The following HCN4 variants were observed in gnomAD, a reference collection of about 807,000 sequenced individuals.
HCN4 encodes the protein hyperpolarization activated cyclic nucleotide gated potassium channel 4, also known as potassium/sodium hyperpolarization-activated cyclic nucleotide-gated channel 4.
A neutral mutation model predicts 76.9 loss-of-function variants in HCN4; 29 were observed. The ratio of observed to expected loss-of-function variants is 0.38; its 90% CI spans 0.28 to 0.51. The LOEUF (loss-of-function observed/expected upper bound fraction) is 0.51, where lower values mean the gene tolerates loss of function less well. HCN4 is among the 20% of genes least tolerant of loss of function. The pLI, the probability that HCN4 is intolerant of heterozygous loss-of-function variation, is 0.90. For missense variants in HCN4, 1,416 were observed against 1,715.2 expected (o/e 0.83, Z 3.08); for synonymous variants, 772 against 762.5 (o/e 1.01, Z -0.21).
At chr15:73,345,299 C>A (rs551844263) in intron 1 of HCN4, among the ~76,000 whole-genome samples, 4 of 152,262 alleles carry the variant, frequency 2.6e-5, no homozygotes, top group African/African-American at 9.6e-5. Flanking sequence ...TGGCAAAGGG[C>A]AGTTTCCAGA....
chr15:73,345,354 C>A (rs2151221654), intron 1 of HCN4, among the ~76,000 whole-genome samples: 1 of 152,268 alleles, frequency 6.6e-6, no homozygotes, highest in African/African-American at 2.4e-5. Context: ...CTCTTCAGGG[C>A]CTCAAGACAG....
chr15:73,367,840 G>T lies in HCN4; in HGVS notation c.431C>A (p.Thr144Lys). Residue 144 changes from threonine to lysine, a missense_variant, in exon 1 of 8, where the codon ACG becomes AAG. Transcript: ENST00000261917. This position sits in a 1 kb window ranked among gnomAD's most constrained non-coding sequence, Gnocchi z 7.5. ...EGDASPGEDR[T>K]PPGLAAEPER... is the part of the protein sequence containing the mutation. ...GGGCTCGGCCGCCAGGCCTGGGGGC[G>T]TCCTGTCCTCGCCGGGGGACGCGTC... The T allele has an allele frequency of 7.9e-7, 1 of 1,270,248 alleles. No homozygotes were observed. The allele number at this position is 1,270,248 out of a possible 1,614,324, so 78.7% of individuals were successfully genotyped here.
chr15:73,341,572 C>T (rs2151220632), intron 2 of HCN4, among the ~76,000 whole-genome samples: 1 of 152,300 alleles, frequency 6.6e-6, no homozygotes, highest in East Asian at 1.9e-4. Flanking sequence ...GGACCCAAAG[C>T]TACATGCTAG....
chr15:73,346,280 T>C (rs943781726), intron 1 of HCN4, among the ~76,000 whole-genome samples: 2 of 152,174 alleles, frequency 1.3e-5, no homozygotes, highest in Admixed American at 1.3e-4. Flanking sequence ...CACTTTACCA[T>C]GCCACACCTC....
chr15:73,342,020 G>A (rs1442540437), intron 2 of HCN4, among the ~76,000 whole-genome samples: 5 of 152,154 alleles, frequency 3.3e-5, no homozygotes, highest in Non-Finnish European at 7.3e-5. Flanking sequence ...GCGGGAAATG[G>A]CCCTCCATGG....
At chr15:73,338,227 T>C (rs1311405429) in intron 2 of HCN4, among the ~76,000 whole-genome samples, 1 of 152,216 alleles carries the variant, frequency 6.6e-6, no homozygotes, top group Admixed American at 6.5e-5. Flanking sequence ...GGAGAGTCAG[T>C]TGCACCAGGC....
chr15:73,322,990 G>T lies in HCN4; in HGVS notation c.3103C>A (p.Pro1035Thr). The T allele has an allele frequency of 6.2e-6, 9 of 1,452,832 alleles. No individual in the cohort carries two copies. The highest frequency in any genetic ancestry group is 8.2e-6 in the Non-Finnish European group (9 of 1,103,348). The allele number at this position is 1,452,832 out of a possible 1,614,324, so 90.0% of individuals were successfully genotyped here. Residue 1035 changes from proline to threonine, a missense_variant, in exon 8 of 8, where the codon CCA (proline) becomes ACA (threonine). Physicochemically the swap from Pro to Thr is conservative, Grantham distance 38. This residue lies in a region of HCN4 where 633 missense variants were observed against 579.8 expected (regional missense o/e 1.09). Transcript: ENST00000261917. ...LSPPGHSPGP[P>T]RTFPSAPPRA... The stretch of plus-strand genomic sequence containing the variant: ...GGCGGGGCACTCGGGAAGGTTCTTG[G>T]GGGGCCTGGGCTGTGGCCAGGGGGG...
chr15:73,366,491 A>G (rs1461280046), intron 1 of HCN4, among the ~76,000 whole-genome samples: 2 of 152,208 alleles, frequency 1.3e-5, no homozygotes, highest in Non-Finnish European at 2.9e-5. Context: ...ATGCATCACG[A>G]AAGCCCAGAG....
chr15:73,368,248 A>G lies in HCN4; in HGVS notation c.23T>C (p.Met8Thr), dbSNP rs749801134. Residue 8 changes from methionine (M) to threonine (T), a missense_variant, in exon 1 of 8, where the codon ATG (methionine) becomes ACG (threonine). By Grantham distance (81) the Met-to-Thr change is moderately conservative. This residue lies in a region of HCN4 where 355 missense variants were observed against 347.8 expected (regional missense o/e 1.02). Transcript: ENST00000261917. The surrounding 1 kb of genome is among the most constrained non-coding windows in gnomAD (Gnocchi z 6.9). MDKLPPS[M>T]RKRLYSLPQQ... Reference sequence around the variant, plus strand: ...CGGGAGGCTGTAGAGCCGCTTGCGCATGGACGGCGGCAGCTTGTCCATGGC... The same window carrying G: ...CGGGAGGCTGTAGAGCCGCTTGCGCGTGGACGGCGGCAGCTTGTCCATGGC... 9 of 1,502,098 alleles carry G rather than the reference A, an allele frequency of 6.0e-6. No individual in the cohort carries two copies. Among genetic ancestry groups the G allele is most frequent in the South Asian group, 1.2e-5 (1 of 80,352 alleles). 93.0% of individuals were successfully genotyped at this position (1,502,098 alleles called of 1,614,324 possible).
At position 73,340,483 on chromosome 15, in the gene HCN4, C is replaced by T. The variant is rs569937758; in HGVS notation, c.1209+2902G>A. Among the ~76,000 whole-genome samples, 336 of 152,272 alleles carry T rather than the reference C, an allele frequency of 2.2e-3. 2 individuals carry two copies. The highest frequency in any genetic ancestry group is 5.3e-3 in the Admixed American group (81 of 15,306). ...CAACCTGGTCCTACATTTCCACCTG[C>T]GACGGAAACCAGGAGACAAGTGTGT... On this transcript the variant is annotated intron_variant, in intron 2 of 7. Transcript: ENST00000261917.
In HCN4 at chr15:73,323,310, G is replaced by A. The variant is rs1016286710; in HGVS notation, c.2783C>T (p.Pro928Leu). The A allele has an allele frequency of 8.4e-6, 13 of 1,549,834 alleles. No homozygotes were observed. The highest frequency in any genetic ancestry group is 8.1e-5 in the African/African-American group (6 of 73,666). ...LSSSDSPLLT[P>L]LQPGARSPQA... Reference sequence around the variant, plus strand: ...CGGGGAGCGGGCGCCTGGCTGCAGCGGGGTGAGCAGGGGAGAGTCGGAGGA... The same window carrying A: ...CGGGGAGCGGGCGCCTGGCTGCAGCAGGGTGAGCAGGGGAGAGTCGGAGGA... The change falls in exon 8 of 8, where the codon CCG becomes CTG. Residue 928 changes from proline to leucine, a missense_variant. Coordinates refer to ENST00000261917, the MANE Select transcript of HCN4 (RefSeq NM_005477.3).
chr15:73,325,675 C>T lies in HCN4; in HGVS notation c.1591-231G>A, dbSNP rs1437606814. On this transcript the variant is annotated intron_variant, in intron 4 of 7. Transcript: ENST00000261917. The surrounding 1 kb of genome is among the most constrained non-coding windows in gnomAD (Gnocchi z 7.4). ...GAGGAGGGGCCCCCACCAGCATCTG[C>T]TCCTCGCTGTGTTCAATACTAAGGA... Among the ~76,000 whole-genome samples, 3 of 152,318 alleles carry T rather than the reference C, an allele frequency of 2.0e-5. No homozygotes were observed. Among genetic ancestry groups the T allele is most frequent in the South Asian group, 2.1e-4 (1 of 4,832 alleles).
At position 73,322,921 on chromosome 15, in the gene HCN4, A is replaced by C. The variant is rs1064796786; in HGVS notation, c.3172T>G (p.Ser1058Ala). The C allele has an allele frequency of 2.9e-6, 4 of 1,402,138 alleles. No individual in the cohort carries two copies. Among genetic ancestry groups the C allele is most frequent in the Non-Finnish European group, 3.8e-6 (4 of 1,062,324 alleles). 86.9% of individuals were successfully genotyped at this position (1,402,138 alleles called of 1,614,324 possible). A position where few individuals can be genotyped will look rare whatever the true frequency, so the allele number is the denominator to read the frequency against. Residue 1058 changes from serine (S) to alanine (A), a missense_variant, in exon 8 of 8, where the codon TCC (serine) becomes GCC (alanine). Ser to Ala is a moderately conservative substitution (Grantham distance 99, BLOSUM62 1). Transcript: ENST00000261917. ...SHGSLLLPPA[S>A]SPPPPQVPQR... ...GGGACCTGGGGTGGTGGGGGGCTGG[A>C]TGCAGGTGGCAGGAGCAAGGATCCG...
intron 7 of HCN4, 53 bp downstream of exon 7, chr15:73,324,036 C>T: frequency 6.2e-7 from 1 of 1,606,258 alleles, no homozygotes; most frequent in East Asian, 2.2e-5. Flanking sequence ...AGGAGCCCTG[C>T]CCTCCTCCCC....
At position 73,328,746 on chromosome 15, in the gene HCN4, AG is replaced by A. The variant is rs2042914982; in HGVS notation, c.1590+826del. Among the ~76,000 whole-genome samples, 1 of 152,072 alleles carries A rather than the reference AG, an allele frequency of 6.6e-6. No homozygotes were observed. The highest frequency in any genetic ancestry group is 1.5e-5 in the Non-Finnish European group (1 of 68,014). The stretch of plus-strand genomic sequence containing the variant: ...GCCACAGGACTCATTCTCTGTGGTG[AG>A]GGGGCTGCTGTTGAGACCCCAGGGA... On this transcript the variant is annotated intron_variant, in intron 4 of 7. Transcript: ENST00000261917. The surrounding 1 kb of genome is among the most constrained non-coding windows in gnomAD (Gnocchi z 4.0).
In HCN4 at chr15:73,322,838, G is replaced by T. The variant is rs1250868477; in HGVS notation, c.3255C>A (p.Leu1085=). The T allele has an allele frequency of 2.0e-6, 3 of 1,519,346 alleles. No homozygotes were observed. Among genetic ancestry groups the T allele is most frequent in the South Asian group, 1.3e-5 (1 of 75,062 alleles). The allele number at this position is 1,519,346 out of a possible 1,614,324, so 94.1% of individuals were successfully genotyped here. A position where few individuals can be genotyped will look rare whatever the true frequency, so the allele number is the denominator to read the frequency against. Residue 1085 remains leucine (L), a synonymous_variant, in exon 8 of 8, where the codon CTC becomes CTA. Transcript: ENST00000261917. ...TPGRLTQDLK[L]ISASQPALPQ... is the part of the protein sequence containing the mutation. Reference sequence around the variant, plus strand: ...GCAGGGCTGGCTGAGACGCGGAGATGAGCTTGAGGTCCTGGGTGAGGCGGC... The same window carrying T: ...GCAGGGCTGGCTGAGACGCGGAGATTAGCTTGAGGTCCTGGGTGAGGCGGC...
At chr15:73,349,210 G>T (rs1174103298) in intron 1 of HCN4, among the ~76,000 whole-genome samples, 1 of 152,010 alleles carries the variant, frequency 6.6e-6, no homozygotes, top group African/African-American at 2.4e-5. Context: ...CCATTCCCTT[G>T]GTTTTCCAGA....
At position 73,323,743 on chromosome 15, in the gene HCN4, C is replaced by T. The variant is rs1453283899; in HGVS notation, c.2350G>A (p.Ala784Thr). The T allele has an allele frequency of 6.2e-7, 1 of 1,605,234 alleles. No individual in the cohort carries two copies. The highest frequency in any genetic ancestry group is 8.5e-7 in the Non-Finnish European group (1 of 1,176,162). ...GCCACAGAAGTGGTGGCAGCGGCAG[C>T]CTGCAGTGGTGCCTGGATCAGCGGG... ...WTPLIQAPLQ[A>T]AAATTSVAIA... The change falls in exon 8 of 8, where the codon GCT becomes ACT. Residue 784 changes from alanine (A) to threonine (T), a missense_variant. This residue lies in a region of HCN4 where 241 missense variants were observed against 379.4 expected (regional missense o/e 0.64). Transcript: ENST00000261917.
In HCN4 at chr15:73,325,519, GC is replaced by G. The variant is rs1429694852; in HGVS notation, c.1591-76del. The G allele has an allele frequency of 2.7e-6, 4 of 1,499,832 alleles. No individual in the cohort carries two copies. The highest frequency in any genetic ancestry group is 3.7e-6 in the Non-Finnish European group (4 of 1,076,474). The allele number at this position is 1,499,832 out of a possible 1,614,324, so 92.9% of individuals were successfully genotyped here. On this transcript the variant is annotated intron_variant, in intron 4 of 7. Transcript: ENST00000261917. The surrounding 1 kb of genome is among the most constrained non-coding windows in gnomAD (Gnocchi z 7.4). ...GCAGCCAGCCCCACCACCTCGGCAG[GC>G]ACCACATCCGGGCACCCACCCCGGG...
Sources: allele counts gnomAD v4.1 joint callset (sites outside exome capture counted in the v4.1 genomes callset), GRCh38; gene constraint gnomAD v4.1.1; regional missense constraint gnomAD v4.1.1; non-coding constraint Gnocchi (gnomAD v3.1); transcripts MANE v1.5; gene names NCBI Gene and HGNC (gene_info 2026-07-23, HGNC 2026-07-21).